Variants in XPO1 observed in about 807,000 individuals in gnomAD.
XPO1 encodes the protein exportin-1.
In XPO1, 5 loss-of-function variants were observed where a neutral mutation model predicts 133.3. The ratio of observed to expected loss-of-function variants is 0.04; its 90% CI spans 0.02 to 0.08. The LOEUF (loss-of-function observed/expected upper bound fraction) is 0.08. Ranked by LOEUF, XPO1 falls within the 10% of genes least tolerant of loss-of-function variation. The pLI, the probability that XPO1 is intolerant of heterozygous loss-of-function variation, is 1.00. For missense variants in XPO1, 506 were observed against 1,267.5 expected, an observed-to-expected ratio of 0.40 and a Z score of 9.12; for synonymous variants, 419 against 408.2, an observed-to-expected ratio of 1.03 and a Z score of -0.32.
intron 4 of XPO1, among the ~76,000 whole-genome samples, chr2:61,514,841 G>A (rs994037379): frequency 1.1e-4 from 17 of 151,998 alleles, no homozygotes; most frequent in Admixed American, 7.2e-4. Flanking sequence ...GTGAGAGGCC[G>A]AAGTGGACAG....
intron 4 of XPO1, among the ~76,000 whole-genome samples, chr2:61,520,102 T>C (rs1003450465): frequency 6.6e-6 from 1 of 152,134 alleles, no homozygotes; most frequent in Non-Finnish European, 1.5e-5. Flanking sequence ...ACGCACAATA[T>C]GCACCCCAGG....
At chr2:61,480,760 AG>A (rs141268659) in intron 24 of XPO1, among the ~76,000 whole-genome samples, 2,867 of 152,262 alleles carry the variant, frequency 0.019, 83 homozygotes, top group African/African-American at 0.064. Context: ...CTTTAAAGCA[AG>A]ATGTTCAAAG....
chr2:61,515,919 T>TAAA (rs869071296), intron 4 of XPO1, among the ~76,000 whole-genome samples: 10,185 of 91,342 alleles, frequency 0.11, 1,015 homozygotes, highest in African/African-American at 0.14. Flanking sequence ...CCATCTCTAC[T>TAAA]AAAAAAAAAA....
intron 1 of XPO1, chr2:61,537,105 C>G (rs1216283239): frequency 2.0e-5 from 3 of 152,162 alleles, no homozygotes; most frequent in Admixed American, 6.5e-5. Context: ...TCCCCCATCC[C>G]AAGCTCTCCA....
At chr2:61,518,370 G>A (rs1698502547) in intron 4 of XPO1, among the ~76,000 whole-genome samples, 1 of 150,548 alleles carries the variant, frequency 6.6e-6, no homozygotes, top group South Asian at 2.1e-4. Flanking sequence ...GGCTAACACG[G>A]TGAAACCCCG....
chr2:61,485,958 G>T lies in XPO1; in HGVS notation c.2318C>A (p.Ala773Asp). The T allele has an allele frequency of 6.2e-7, 1 of 1,606,284 alleles. No homozygotes were observed. Among genetic ancestry groups the T allele is most frequent in the Non-Finnish European group, 8.5e-7 (1 of 1,176,882 alleles). Residue 773 changes from alanine to aspartate, a missense_variant, in exon 20 of 25, where the codon GCT becomes GAT. By Grantham distance (126) the Ala-to-Asp change is moderately radical (BLOSUM62 -2). Around this residue, in one of 6 missense-constraint regions of XPO1, gnomAD observed 203 missense variants for 365.9 expected, o/e 0.55. Coordinates refer to ENST00000401558, the MANE Select transcript of XPO1 (RefSeq NM_003400.4). ...CAACAGAGGGGGAACAAAATTTTCA[G>T]CGACCTGTTGGGGAGGGAAAAAAAA... ...VSRSNDPQMV[A>D]ENFVPPLLDA... is the part of the protein sequence containing the mutation.
chr2:61,527,152 T>A (rs1419604753), intron 2 of XPO1, among the ~76,000 whole-genome samples: 2 of 151,984 alleles, frequency 1.3e-5, no homozygotes, highest in African/African-American at 4.8e-5. Context: ...TCTCAGCACT[T>A]AAATCAACCA....
chr2:61,498,826 C>T (rs1489612420), intron 8 of XPO1, 34 bp from the exon 9 acceptor site: 1 of 1,608,510 alleles, frequency 6.2e-7, no homozygotes, highest in Non-Finnish European at 8.5e-7. Context: ...TAATTGCTTT[C>T]CTATTATTGT....
chr2:61,515,789 T>C (rs1341241010), intron 4 of XPO1, among the ~76,000 whole-genome samples: 2 of 151,720 alleles, frequency 1.3e-5, no homozygotes, highest in Non-Finnish European at 2.9e-5. Context: ...CAACTACTTA[T>C]AAAATCCAAC....
intron 7 of XPO1, 73 bp from the exon 8 acceptor site, chr2:61,498,986 A>G (rs2104496718): frequency 6.8e-7 from 1 of 1,460,128 alleles, no homozygotes; most frequent in Admixed American, 2.6e-5. Context: ...TATAATACTA[A>G]TAAAAATGAT....
chr2:61,494,228 T>C (rs771991828), intron 11 of XPO1, 137 bp from the exon 12 acceptor site: 13 of 779,158 alleles, frequency 1.7e-5, no homozygotes, highest in Admixed American at 6.0e-5. Flanking sequence ...ACTTATCAAA[T>C]AGACAGCAAA....
intron 4 of XPO1, among the ~76,000 whole-genome samples, chr2:61,522,065 T>C (rs779188907): frequency 3.3e-5 from 5 of 151,930 alleles, no homozygotes; most frequent in Admixed American, 6.6e-5. Context: ...GCCCATATTT[T>C]ATTTATATAT....
intron 7 of XPO1, among the ~76,000 whole-genome samples, chr2:61,499,485 A>G (rs1697399757): frequency 6.6e-6 from 1 of 152,240 alleles, no homozygotes; most frequent in East Asian, 1.9e-4. Flanking sequence ...ACTAGTTACC[A>G]TACAAAACAA....
Position 61,492,318 on chromosome 2 carries a change from G to T in XPO1, c.1723+7C>A. On this transcript the variant is annotated splice_region_variant and intron_variant, in intron 15 of 24. Coordinates refer to ENST00000401558, the MANE Select transcript of XPO1 (RefSeq NM_003400.4). This position sits in a 1 kb window ranked among gnomAD's most constrained non-coding sequence, Gnocchi z 5.6. ...AAAAGCAAAATATAGTAAAGAAAGA[G>T]ATTTACCATGCATGAATTCGAACAG... The T allele has an allele frequency of 6.3e-7, 1 of 1,585,748 alleles. No homozygotes were observed. Among genetic ancestry groups the T allele is most frequent in the Non-Finnish European group, 8.5e-7 (1 of 1,172,748 alleles).
In XPO1 at chr2:61,478,124, G is replaced by A; in HGVS notation, c.*696C>T. The stretch of plus-strand genomic sequence containing the variant: ...ACCATTTCACTTCGAGTTAATGAAG[G>A]CTCACAAATGAGCAACACTCCTCAT... On this transcript the variant is annotated 3_prime_UTR_variant, in exon 25 of 25. Transcript: ENST00000401558. The A allele has an allele frequency of 8.6e-6, 2 of 232,386 alleles. No individual in the cohort carries two copies. The highest frequency in any genetic ancestry group is 1.7e-5 in the Non-Finnish European group (2 of 117,252). 14.4% of individuals were successfully genotyped at this position (232,386 alleles called of 1,614,324 possible).
intron 2 of XPO1, among the ~76,000 whole-genome samples, chr2:61,527,338 G>A (rs3980934): frequency 0.63 from 86,396 of 137,964 alleles, 27,404 homozygotes; most frequent in Middle Eastern, 0.71. Flanking sequence ...AAAAAAAAAA[G>A]AAAGCTGCAC....
At chr2:61,483,788 T>A in intron 21 of XPO1, 149 bp downstream of exon 21, 1 of 874,436 alleles carries the variant, frequency 1.1e-6, no homozygotes, top group East Asian at 2.8e-5. Context: ...GAACAGTTGA[T>A]TAAACTGCTT....
At chr2:61,481,620 T>C (rs950159194) in intron 23 of XPO1, among the ~76,000 whole-genome samples, 2 of 150,402 alleles carry the variant, frequency 1.3e-5, no homozygotes, top group African/African-American at 4.9e-5. Context: ...CTAATTTGTA[T>C]TTTTAGTAGA....
chr2:61,525,247 T>C, intron 3 of XPO1: 1 of 985,230 alleles, frequency 1.0e-6, no homozygotes, highest in Non-Finnish European at 1.2e-6. Flanking sequence ...AGAATTCAGT[T>C]AAAGGGAATC....
Sources: allele counts gnomAD v4.1 joint callset (sites outside exome capture counted in the v4.1 genomes callset), GRCh38; gene constraint gnomAD v4.1.1; regional missense constraint gnomAD v4.1.1; non-coding constraint Gnocchi (gnomAD v3.1); transcripts MANE v1.5; gene names NCBI Gene and HGNC (gene_info 2026-07-23, HGNC 2026-07-21).